SPECC1: variants seen among roughly 807,000 people sequenced by gnomAD.
SPECC1 encodes cytospin-B.
SPECC1 carries 62 observed loss-of-function variants against 104.1 expected under a neutral mutation model. That is an observed-to-expected ratio of 0.60 (90% CI 0.49 to 0.74). The LOEUF is 0.74. SPECC1 is among the 30% of genes least tolerant of loss of function. The pLI is 0.00. For synonymous variants in SPECC1, 513 were observed against 501.6 expected, an observed-to-expected ratio of 1.02 and a Z score of -0.30; for missense variants, 1,306 against 1,310.5, an observed-to-expected ratio of 1.00 and a Z score of 0.05.
At chr17:20,105,237 G>A (rs1597711625) in intron 2 of SPECC1, among the ~76,000 whole-genome samples, 1 of 152,058 alleles carries the variant, frequency 6.6e-6, no homozygotes, top group East Asian at 1.9e-4. Context: ...CTACAGGCAC[G>A]CAGTGCCACA....
chr17:20,034,814 C>T (rs138407097), intron 1 of SPECC1, among the ~76,000 whole-genome samples: 145 of 151,698 alleles, frequency 9.6e-4, no homozygotes, highest in Admixed American at 2.6e-3. Context: ...CATGTTGATC[C>T]GGCTGGTCTC....
intron 12 of SPECC1, among the ~76,000 whole-genome samples, chr17:20,295,978 C>T (rs1449542562): frequency 6.6e-6 from 1 of 152,196 alleles, no homozygotes; most frequent in Non-Finnish European, 1.5e-5. Flanking sequence ...GTTGCCTGTT[C>T]ACTCTGATGG....
chr17:20,317,835 A>G lies in SPECC1; in HGVS notation c.*3770A>G, dbSNP rs2042059190. On this transcript the variant is annotated 3_prime_UTR_variant, in exon 15 of 15. Transcript: ENST00000395527. ...TCAGGAGTCCAGGAATAGGCCTTCT[A>G]GCACAGCAGCTAGTAGGGCTCCCCC... is the stretch of plus-strand genomic sequence containing the variant. 4.4e-6 allele frequency: 1 copy of G among 225,212 alleles called. No individual in the cohort carries two copies. Among genetic ancestry groups the G allele is most frequent in the Non-Finnish European group, 8.8e-6 (1 of 113,126 alleles). 14.0% of individuals were successfully genotyped at this position (225,212 alleles called of 1,614,324 possible). A position where few individuals can be genotyped will look rare whatever the true frequency, so the allele number is the denominator to read the frequency against.
At chr17:20,285,544 GTATT>G (rs1234128579) in intron 12 of SPECC1, among the ~76,000 whole-genome samples, 2 of 151,992 alleles carry the variant, frequency 1.3e-5, no homozygotes, top group African/African-American at 4.8e-5. Context: ...TATTGCTAAA[GTATT>G]TATATCCTGG....
intron 1 of SPECC1, among the ~76,000 whole-genome samples, chr17:20,041,847 G>A (rs1295883378): frequency 2.0e-5 from 3 of 151,072 alleles, no homozygotes; most frequent in African/African-American, 4.9e-5. Flanking sequence ...GGATGGTCTC[G>A]ATCTCCTGAT....
At chr17:20,013,541 G>A (rs982729170) in intron 1 of SPECC1, among the ~76,000 whole-genome samples, 2 of 151,986 alleles carry the variant, frequency 1.3e-5, no homozygotes, top group Admixed American at 6.6e-5. Context: ...TTGCTCTATC[G>A]TCCAGGCTGG....
chr17:20,280,112 G>A (rs901474900), intron 12 of SPECC1, among the ~76,000 whole-genome samples: 2 of 152,190 alleles, frequency 1.3e-5, no homozygotes, highest in African/African-American at 2.4e-5. Flanking sequence ...GACAATTATC[G>A]CAGTACTGTT....
rs748689632 is a variant in SPECC1, at chr17:20,240,060, A to ATTTTTT, written c.2352-5839_2352-5834dup. Among the ~76,000 whole-genome samples the ATTTTTT allele has an allele frequency of 1.1e-3, 34 of 32,198 alleles. 3 individuals are homozygous for ATTTTTT. Among genetic ancestry groups the ATTTTTT allele is most frequent in the East Asian group, 8.9e-3 (5 of 562 alleles). 21.1% of individuals were successfully genotyped at this position (32,198 alleles called of 152,430 possible). ...AGGGGCACACCACCATGTCCAGCTAATTTTTTTTTTTTTTTTTTTTTTTTT... is the reference window on the plus strand; with the variant it reads ...AGGGGCACACCACCATGTCCAGCTAATTTTTTTTTTTTTTTTTTTTTTTTTTTTTTT... On this transcript the variant is annotated intron_variant, in intron 7 of 14. Coordinates refer to ENST00000395527, the MANE Select transcript of SPECC1 (RefSeq NM_001243439.2).
At chr17:20,232,116 G>T in intron 6 of SPECC1, 84 bp from the exon 7 acceptor site, 2 of 1,509,506 alleles carry the variant, frequency 1.3e-6, no homozygotes, top group Admixed American at 1.8e-5. Flanking sequence ...TTTTCTTGGT[G>T]ACCAACACGG....
At chr17:20,080,177 AG>A (rs1336671431) in intron 1 of SPECC1, among the ~76,000 whole-genome samples, 1 of 152,208 alleles carries the variant, frequency 6.6e-6, no homozygotes, top group Non-Finnish European at 1.5e-5. Flanking sequence ...TAGGTAATGA[AG>A]GCAGAACTCT....
intron 3 of SPECC1, among the ~76,000 whole-genome samples, chr17:20,142,640 C>T (rs1208610583): frequency 3.9e-5 from 6 of 152,062 alleles, no homozygotes; most frequent in Middle Eastern, 3.4e-3. Context: ...CCAGCGGCTG[C>T]GGGAGGAGGG....
In SPECC1 at chr17:20,238,945, C is replaced by T. The variant is rs1487046591; in HGVS notation, c.2351+6540C>T. ...CTACGTTTCTGCAGGGCCTTTATGT[C>T]GTTTTGTTCTACATTTTTTTCTGAA... On this transcript the variant is annotated intron_variant, in intron 7 of 14. Coordinates refer to ENST00000395527, the MANE Select transcript of SPECC1 (RefSeq NM_001243439.2). The T allele has an allele frequency of 2.1e-5, 22 of 1,039,250 alleles. No homozygotes were observed. In the East Asian group the frequency reaches 2.3e-4, roughly 11 times the overall value. The allele number at this position is 1,039,250 out of a possible 1,614,324, so 64.4% of individuals were successfully genotyped here. A position where few individuals can be genotyped will look rare whatever the true frequency, so the allele number is the denominator to read the frequency against.
chr17:20,253,550 A>G lies in SPECC1; in HGVS notation c.2644A>G (p.Thr882Ala), dbSNP rs761357939. ...TGTGCGGCCAGCCAGCAGAGGGGTG[A>G]CTCAACGCTTGGACCTTCCTGACCT... ...SSVRPASRGV[T>A]QRLDLPDLPL... Residue 882 changes from threonine to alanine, a missense_variant, in exon 10 of 15, where the codon ACT becomes GCT. By Grantham distance (58) the Thr-to-Ala change is moderately conservative (BLOSUM62 0). This residue lies in a region of SPECC1 where 1,177 missense variants were observed against 1,139.9 expected (regional missense o/e 1.03). Coordinates refer to ENST00000395527, the MANE Select transcript of SPECC1 (RefSeq NM_001243439.2). 1 of 1,614,046 alleles carries G rather than the reference A, an allele frequency of 6.2e-7. No individual in the cohort carries two copies. The highest frequency in any genetic ancestry group is 1.1e-5 in the South Asian group (1 of 91,068).
In SPECC1 at chr17:20,087,431, AT is replaced by A. The variant is rs370138453; in HGVS notation, c.-21-9192del. On this transcript the variant is annotated intron_variant, in intron 1 of 14. Transcript: ENST00000395527. The stretch of plus-strand genomic sequence containing the variant: ...CTGAAAGCAGTCTGGGGACTTTATT[AT>A]TTTTTTTCAACCATTTAGAGATATT... Among the ~76,000 whole-genome samples the A allele has an allele frequency of 6.6e-3, 1,003 of 152,018 alleles. 10 individuals are homozygous for A. The highest frequency in any genetic ancestry group is 0.023 in the African/African-American group (943 of 41,446).
chr17:20,077,611 C>T (rs2046810953), intron 1 of SPECC1, among the ~76,000 whole-genome samples: 1 of 151,966 alleles, frequency 6.6e-6, no homozygotes, highest in Non-Finnish European at 1.5e-5. Context: ...GGATTATAGG[C>T]ACCCGCCACC....
chr17:20,150,411 G>A (rs1002977185), intron 3 of SPECC1, among the ~76,000 whole-genome samples: 18 of 151,532 alleles, frequency 1.2e-4, no homozygotes, highest in Non-Finnish European at 1.8e-4. Context: ...AGGCCGAGGC[G>A]GGCAGATCAC....
At chr17:20,191,894 GTC>G (rs2035696016) in intron 3 of SPECC1, among the ~76,000 whole-genome samples, 1 of 152,060 alleles carries the variant, frequency 6.6e-6, no homozygotes, top group Admixed American at 6.6e-5. Context: ...TCGGTGAGTT[GTC>G]TATTCAGGTG....
chr17:20,210,716 TCA>T (rs2037084503), intron 4 of SPECC1, among the ~76,000 whole-genome samples: 1 of 152,212 alleles, frequency 6.6e-6, no homozygotes, highest in African/African-American at 2.4e-5. Flanking sequence ...CACAAAGTAC[TCA>T]CAGTGATCTG....
chr17:20,237,917 T>C, intron 7 of SPECC1: 3 of 499,780 alleles, frequency 6.0e-6, no homozygotes, highest in Non-Finnish European at 8.0e-6. Context: ...TAATTTTGTA[T>C]TTTTAGTAGA....
Sources: gnomAD v4.1 joint callset for allele counts (sites outside exome capture counted in the v4.1 genomes callset) on GRCh38, gnomAD v4.1.1 for gene constraint, gnomAD v4.1.1 regional missense constraint, MANE v1.5 for transcripts, NCBI Gene and HGNC (gene_info 2026-07-23, HGNC 2026-07-21) for gene names.